Variants in BANF2 observed in about 807,000 individuals in gnomAD.
The protein encoded by BANF2 is BANF family member 2, also known as barrier-to-autointegration factor-like protein.
BANF2 carries 4 observed loss-of-function variants against 8.0 expected under a neutral mutation model. The ratio of observed to expected loss-of-function variants is 0.50; its 90% CI spans 0.25 to 1.14. The LOEUF (loss-of-function observed/expected upper bound fraction) is 1.14. Among genes scored for constraint, BANF2 ranks in the 50% most tolerant of loss-of-function variants. The pLI, the probability that BANF2 is intolerant of heterozygous loss-of-function variation, is 0.16. For missense variants in BANF2, 96 were observed against 107.5 expected, an observed-to-expected ratio of 0.89 and a Z score of 0.47; for synonymous variants, 50 against 40.6, an observed-to-expected ratio of 1.23 and a Z score of -0.88.
At chr20:17,721,678 C>T (rs2037731856) in intron 1 of BANF2, among the ~76,000 whole-genome samples, 1 of 152,152 alleles carries the variant, frequency 6.6e-6, no homozygotes, top group African/African-American at 2.4e-5. Flanking sequence ...AGGTGTGAGC[C>T]ACCACTCCCG....
chr20:17,718,398 C>G lies in BANF2; in HGVS notation c.-166-4318C>G, dbSNP rs117517031. 6.3e-3 allele frequency among the ~76,000 whole-genome samples: 962 copies of G among 152,222 alleles called. 5 individuals carry two copies. The highest frequency in any genetic ancestry group is 0.019 in the East Asian group (98 of 5,174). On this transcript the variant is annotated intron_variant, in intron 1 of 3. Transcript: ENST00000246090. The stretch of plus-strand genomic sequence containing the variant: ...TTTTGTATTTTTAGTAGAGACAGGG[C>G]TGCTGACCTCAGGTGATCCACCTGC...
intron 3 of BANF2, among the ~76,000 whole-genome samples, chr20:17,728,697 G>A (rs910539322): frequency 6.6e-6 from 1 of 152,146 alleles, no homozygotes; most frequent in Non-Finnish European, 1.5e-5. Flanking sequence ...AGTCTGCCAT[G>A]GATCTACCTA....
At chr20:17,704,036 C>T (rs1416378833) in intron 1 of BANF2, among the ~76,000 whole-genome samples, 1 of 152,226 alleles carries the variant, frequency 6.6e-6, no homozygotes, top group Non-Finnish European at 1.5e-5. Context: ...AACCACTGTC[C>T]CCAGCTGGCT....
At chr20:17,730,443 C>T (rs1191917914) in intron 3 of BANF2, among the ~76,000 whole-genome samples, 1 of 152,060 alleles carries the variant, frequency 6.6e-6, no homozygotes, top group South Asian at 2.1e-4. Context: ...TGCTCTCCCT[C>T]GCCCTCACCT....
intron 3 of BANF2, among the ~76,000 whole-genome samples, chr20:17,726,432 C>T (rs956622152): frequency 1.3e-5 from 2 of 152,198 alleles, no homozygotes; most frequent in African/African-American, 4.8e-5. Context: ...AGTGATTCAA[C>T]ATACCTCGGC....
At chr20:17,732,462 T>A (rs1389073079) in intron 3 of BANF2, among the ~76,000 whole-genome samples, 2 of 152,192 alleles carry the variant, frequency 1.3e-5, no homozygotes, top group Admixed American at 6.5e-5. Flanking sequence ...ACCTCCTGGG[T>A]TCTCCTGCCT....
At chr20:17,694,275 G>A (rs1414165683) in intron 1 of BANF2, among the ~76,000 whole-genome samples, 1 of 152,186 alleles carries the variant, frequency 6.6e-6, no homozygotes, top group Non-Finnish European at 1.5e-5. Flanking sequence ...AGAGTGGGAG[G>A]AGGCTATTTT....
At chr20:17,732,084 G>A (rs1426153799) in intron 3 of BANF2, among the ~76,000 whole-genome samples, 2 of 151,788 alleles carry the variant, frequency 1.3e-5, no homozygotes, top group African/African-American at 2.4e-5. Context: ...AAGAAAAAAA[G>A]GAAAACTAAT....
chr20:17,694,270 G>C (rs532188488), intron 1 of BANF2, among the ~76,000 whole-genome samples: 3 of 152,296 alleles, frequency 2.0e-5, no homozygotes, highest in Admixed American at 1.3e-4. Context: ...GGGACAGAGT[G>C]GGAGGAGGCT....
chr20:17,722,662 C>T (rs1472722928), intron 1 of BANF2, 54 bp from the exon 2 acceptor site: 1 of 914,798 alleles, frequency 1.1e-6, no homozygotes, highest in Non-Finnish European at 1.3e-6. Context: ...ATTTAAGACC[C>T]ACAGAGTCAG....
At chr20:17,725,800 C>T (rs1006477481) in intron 3 of BANF2, among the ~76,000 whole-genome samples, 4 of 152,322 alleles carry the variant, frequency 2.6e-5, no homozygotes, top group South Asian at 4.1e-4. Flanking sequence ...GAACATGGCA[C>T]GCCCGGTCAG....
chr20:17,705,919 G>A (rs1415675554), intron 1 of BANF2, among the ~76,000 whole-genome samples: 2 of 152,234 alleles, frequency 1.3e-5, no homozygotes, highest in Non-Finnish European at 2.9e-5. Flanking sequence ...CCCTGCATAA[G>A]GGTTTGTGGG....
At chr20:17,724,523 TG>T (rs1380833689) in intron 2 of BANF2, among the ~76,000 whole-genome samples, 1 of 152,202 alleles carries the variant, frequency 6.6e-6, no homozygotes. Flanking sequence ...CATTCCCACC[TG>T]CAGGCTTTGG....
In BANF2 at chr20:17,694,601, CTTTTTTTTTTTTTTTT is replaced by C. The variant is rs869067650; in HGVS notation, c.18+912_18+927del. Among the ~76,000 whole-genome samples the C allele has an allele frequency of 1.4e-3, 38 of 26,742 alleles. 1 individual carries two copies. Among genetic ancestry groups the C allele is most frequent in the Non-Finnish European group, 2.9e-4 (4 of 14,008 alleles). 17.5% of individuals were successfully genotyped at this position (26,742 alleles called of 152,430 possible). On this transcript the variant is annotated intron_variant, in intron 1 of 2. Transcript: ENST00000545418. ...GGGGCTATTTTTGTTTTTTCTCTCT[CTTTTTTTTTTTTTTTT>C]TTTTTTTTTTTTTTTTATTGAGACA...
At chr20:17,700,435 C>A (rs1013508335) in intron 1 of BANF2, among the ~76,000 whole-genome samples, 1 of 152,142 alleles carries the variant, frequency 6.6e-6, no homozygotes. Flanking sequence ...CAGCCATTGG[C>A]CAAATGACAC....
At chr20:17,702,845 A>T (rs2037429229) in intron 1 of BANF2, among the ~76,000 whole-genome samples, 1 of 152,204 alleles carries the variant, frequency 6.6e-6, no homozygotes, top group Admixed American at 6.5e-5. Context: ...CTCATATGAT[A>T]GCCACTAGGC....
intron 1 of BANF2, among the ~76,000 whole-genome samples, chr20:17,721,339 G>A (rs1050671266): frequency 1.3e-5 from 2 of 151,908 alleles, no homozygotes; most frequent in African/African-American, 4.8e-5. Context: ...GGACACCCAA[G>A]AAGAAAAGAC....
At chr20:17,725,247 G>A in intron 3 of BANF2, 96 bp downstream of exon 3, 2 of 1,436,116 alleles carry the variant, frequency 1.4e-6, no homozygotes, top group Non-Finnish European at 1.9e-6. Flanking sequence ...CCCTGTGAAG[G>A]GCCATCAGAG....
intron 1 of BANF2, among the ~76,000 whole-genome samples, chr20:17,702,635 T>A (rs1302722223): frequency 6.6e-6 from 1 of 152,164 alleles, no homozygotes; most frequent in African/African-American, 2.4e-5. Context: ...CTTCTTGCTG[T>A]GGATAATTTG....
Sources: gnomAD v4.1 joint callset for allele counts (sites outside exome capture counted in the v4.1 genomes callset) on GRCh38, gnomAD v4.1.1 for gene constraint, MANE v1.5 for transcripts, NCBI Gene and HGNC (gene_info 2026-07-23, HGNC 2026-07-21) for gene names.